KLF8: variants seen among roughly 807,000 people sequenced by gnomAD.
KLF8 encodes KLF transcription factor 8, also known as Krueppel-like factor 8.
Under a neutral mutation model 18.2 loss-of-function variants are expected in KLF8, and 10 were observed. The ratio of observed to expected loss-of-function variants is 0.55; its 90% CI spans 0.34 to 0.93. The LOEUF is 0.93. Ranked by LOEUF, KLF8 falls within the 40% of genes least tolerant of loss-of-function variation. The pLI, the probability that KLF8 is intolerant of heterozygous loss-of-function variation, is 0.02. For synonymous variants in KLF8, 109 were observed against 97.3 expected, an observed-to-expected ratio of 1.12 and a Z score of -0.71; for missense variants, 264 against 277.9, an observed-to-expected ratio of 0.95 and a Z score of 0.36.
the KLF8 span, among the ~76,000 whole-genome samples, chrX:55,954,796 C>A: frequency 8.9e-6 from 1 of 111,829 alleles, no homozygotes; most frequent in Admixed American, 9.5e-5. Context: ...ATGCTCATCA[C>A]CTGACAGATG....
At chrX:56,172,223 C>T in the KLF8 span, among the ~76,000 whole-genome samples, 1 of 110,656 alleles carries the variant, frequency 9.0e-6, no homozygotes, top group East Asian at 2.8e-4. Flanking sequence ...TGTCATTTAA[C>T]ATTAGGTATA....
the KLF8 span, among the ~76,000 whole-genome samples, chrX:56,013,586 G>C: frequency 7.2e-5 from 8 of 111,501 alleles, no homozygotes; most frequent in African/African-American, 2.6e-4. Context: ...CATGTGTCTT[G>C]GGAGGGACCA....
the KLF8 span, among the ~76,000 whole-genome samples, chrX:55,930,657 A>T: frequency 6.3e-5 from 7 of 111,813 alleles, no homozygotes; most frequent in Non-Finnish European, 5.7e-5. Context: ...GGTTTTTGTC[A>T]TTGGTTCTGT....
At chrX:55,942,627 G>A in the KLF8 span, among the ~76,000 whole-genome samples, 1 of 111,894 alleles carries the variant, frequency 8.9e-6, no homozygotes, top group Non-Finnish European at 1.9e-5. Context: ...TGAAGGGTGA[G>A]CGACTAGAAC....
At chrX:56,082,731 C>T in the KLF8 span, among the ~76,000 whole-genome samples, 1 of 111,361 alleles carries the variant, frequency 9.0e-6, no homozygotes, top group Non-Finnish European at 1.9e-5. Context: ...ATAGAATTTC[C>T]ACAAATTTGT....
chrX:55,990,805 C>T, the KLF8 span, among the ~76,000 whole-genome samples: 1 of 112,061 alleles, frequency 8.9e-6, no homozygotes, highest in Non-Finnish European at 1.9e-5. Flanking sequence ...GTGGAGGCTG[C>T]AGAACAGCGG....
the KLF8 span, among the ~76,000 whole-genome samples, chrX:56,039,082 T>C: frequency 8.9e-6 from 1 of 112,304 alleles, no homozygotes; most frequent in Admixed American, 9.4e-5. Context: ...TAAATTTGTT[T>C]AATATCCTTA....
At chrX:56,139,503 CTT>C in the KLF8 span, among the ~76,000 whole-genome samples, 2 of 111,674 alleles carry the variant, frequency 1.8e-5, no homozygotes, top group African/African-American at 6.5e-5. Context: ...AAATAGCACA[CTT>C]ACAACCATCT....
the KLF8 span, among the ~76,000 whole-genome samples, chrX:56,137,320 G>T: frequency 2.0e-5 from 2 of 99,634 alleles, no homozygotes; most frequent in South Asian, 9.9e-4. Context: ...GTTTATTGTG[G>T]TACTATTCAC....
At chrX:55,959,099 C>T in the KLF8 span, among the ~76,000 whole-genome samples, 1 of 112,386 alleles carries the variant, frequency 8.9e-6, no homozygotes, top group African/African-American at 3.2e-5. Flanking sequence ...GAGAAAAAAG[C>T]TGTAGGCCAG....
the KLF8 span, among the ~76,000 whole-genome samples, chrX:56,007,231 A>G: frequency 9.0e-6 from 1 of 111,119 alleles, no homozygotes; most frequent in African/African-American, 3.3e-5. Context: ...GCATGAGAGG[A>G]TGTCTGCAGG....
chrX:56,175,721 G>A, the KLF8 span, among the ~76,000 whole-genome samples: 29 of 110,970 alleles, frequency 2.6e-4, no homozygotes, highest in Admixed American at 1.5e-3. Context: ...CATTATTATC[G>A]CGTGGGAGTC....
the KLF8 span, among the ~76,000 whole-genome samples, chrX:55,943,610 G>A: frequency 6.3e-5 from 7 of 111,759 alleles, no homozygotes; most frequent in Non-Finnish European, 1.3e-4. Context: ...AGAAGGCATG[G>A]GCTTTGGGGA....
the KLF8 span, among the ~76,000 whole-genome samples, chrX:56,014,653 T>C: frequency 1.8e-5 from 2 of 111,190 alleles, no homozygotes; most frequent in Non-Finnish European, 3.8e-5. Flanking sequence ...ATATAAATTG[T>C]TCTATTATAA....
the KLF8 span, among the ~76,000 whole-genome samples, chrX:55,964,221 G>A: frequency 9.0e-6 from 1 of 111,378 alleles, no homozygotes; most frequent in African/African-American, 3.3e-5. Context: ...GAGAAAAAAA[G>A]AGCAAACCAA....
At chrX:56,214,825 C>T in the KLF8 span, among the ~76,000 whole-genome samples, 2 of 111,986 alleles carry the variant, frequency 1.8e-5, no homozygotes, top group South Asian at 3.8e-4. Context: ...CATCACAGAG[C>T]CAGGATTGGA....
chrX:55,950,111 G>A, the KLF8 span, among the ~76,000 whole-genome samples: 3 of 111,229 alleles, frequency 2.7e-5, no homozygotes, highest in Non-Finnish European at 5.7e-5. Flanking sequence ...GAAGTATTTT[G>A]GCTCTTTATG....
the KLF8 span, among the ~76,000 whole-genome samples, chrX:56,160,090 C>G: frequency 2.7e-5 from 3 of 111,749 alleles, no homozygotes; most frequent in African/African-American, 9.8e-5. Flanking sequence ...TATGTTGTGT[C>G]TTTGTTCTCA....
chrX:56,079,983 T>C, the KLF8 span, among the ~76,000 whole-genome samples: 1 of 111,347 alleles, frequency 9.0e-6, no homozygotes, highest in Admixed American at 9.6e-5. Context: ...CTGCCTTTTT[T>C]TGTTTTCCAT....
Sources: gnomAD v4.1 joint callset for allele counts (sites outside exome capture counted in the v4.1 genomes callset) on GRCh38, gnomAD v4.1.1 for gene constraint, MANE v1.5 for transcripts, NCBI Gene and HGNC (gene_info 2026-07-23, HGNC 2026-07-21) for gene names.